PHF21B: variants seen among roughly 807,000 people sequenced by gnomAD.
PHF21B encodes PHD finger protein 21B.
PHF21B carries 22 observed loss-of-function variants against 62.2 expected under a neutral mutation model. The ratio of observed to expected loss-of-function variants is 0.35; its 90% CI spans 0.25 to 0.51. PHF21B has a LOEUF of 0.51. PHF21B is among the 20% of genes least tolerant of loss of function. PHF21B has a pLI of 0.97. For synonymous variants in PHF21B, 341 were observed against 314.7 expected (o/e 1.08, Z -0.88); for missense variants, 701 against 707.9 (o/e 0.99, Z 0.11).
intron 2 of PHF21B, among the ~76,000 whole-genome samples, chr22:44,941,816 G>GT (rs2071963792): frequency 6.6e-6 from 1 of 152,122 alleles, no homozygotes; most frequent in African/African-American, 2.4e-5. Context: ...GGCTGGGGGG[G>GT]CCACCTGCCA....
At chr22:44,913,629 TC>T (rs2071382413) in intron 5 of PHF21B, among the ~76,000 whole-genome samples, 192 bp downstream of exon 5, 1 of 152,222 alleles carries the variant, frequency 6.6e-6, no homozygotes, top group Admixed American at 6.5e-5. Flanking sequence ...AGCCAGTGCC[TC>T]CCTGAGATAG....
In PHF21B at chr22:44,964,032, T is replaced by C. The variant is rs899674535; in HGVS notation, c.121-43542A>G. Among the ~76,000 whole-genome samples, 11 of 152,286 alleles carry C rather than the reference T, an allele frequency of 7.2e-5. No homozygotes were observed. In the East Asian group the frequency reaches 9.7e-4, roughly 13 times the overall value. ...CCCTGACCTTGGCCCCGTCCAGCTG[T>C]GTGTTGGGAGGGTTGCTGGAAGCCT... On this transcript the variant is annotated intron_variant, in intron 2 of 12. Coordinates refer to ENST00000313237, the MANE Select transcript of PHF21B (RefSeq NM_138415.5).
chr22:44,992,337 T>C (rs1446041724), intron 2 of PHF21B, among the ~76,000 whole-genome samples: 2 of 152,214 alleles, frequency 1.3e-5, no homozygotes, highest in Non-Finnish European at 2.9e-5. Context: ...CGGGGTGCTG[T>C]GGCCGCACCG....
intron 3 of PHF21B, among the ~76,000 whole-genome samples, chr22:44,919,629 C>T (rs2071499244): frequency 6.6e-6 from 1 of 152,246 alleles, no homozygotes; most frequent in African/African-American, 2.4e-5. Flanking sequence ...AGGCAGGGGC[C>T]ATCTTGGTCT....
chr22:44,913,908 G>A lies in PHF21B; in HGVS notation c.745C>T (p.Arg249Trp), dbSNP rs199983690. The A allele has an allele frequency of 4.1e-5, 66 of 1,613,918 alleles. No individual in the cohort carries two copies. Among genetic ancestry groups the A allele is most frequent in the Middle Eastern group, 3.3e-4 (2 of 6,060 alleles). The change falls in exon 5 of 13, where the codon CGG becomes TGG. Residue 249 changes from arginine (R) to tryptophan (W), a missense_variant. Coordinates refer to ENST00000313237, the MANE Select transcript of PHF21B (RefSeq NM_138415.5). ...QTQPESTAESRPPTEEPSQGA... is the reference protein window; with the variant it reads ...QTQPESTAESWPPTEEPSQGA... ...TGAGATGGCTCCTCTGTGGGCGGCC[G>A]CGACTCTGCCGTGCTCTCGGGCTGC...
intron 11 of PHF21B, 87 bp from the exon 12 acceptor site, chr22:44,885,616 A>C: frequency 1.5e-6 from 2 of 1,318,500 alleles, no homozygotes; most frequent in African/African-American, 1.5e-5. Flanking sequence ...GAAGGGATGA[A>C]ACCAAGGCCT....
chr22:44,909,063 G>A (rs1217082202), intron 5 of PHF21B, among the ~76,000 whole-genome samples: 1 of 152,172 alleles, frequency 6.6e-6, no homozygotes, highest in African/African-American at 2.4e-5. Context: ...CTCCCAAAGT[G>A]CCAGGATTAC....
At chr22:44,887,532 A>G (rs1275560719) in intron 10 of PHF21B, among the ~76,000 whole-genome samples, 1 of 151,898 alleles carries the variant, frequency 6.6e-6, no homozygotes, top group Admixed American at 6.6e-5. Context: ...TCTAGTCTTG[A>G]TCACCTGAGG....
In PHF21B at chr22:44,916,268, G is replaced by T. The variant is rs1387033752; in HGVS notation, c.564+12C>A. On this transcript the variant is annotated intron_variant, in intron 4 of 12. Coordinates refer to ENST00000313237, the MANE Select transcript of PHF21B (RefSeq NM_138415.5). ...CGCACACCCTTTCCGGAGCCTGCTG[G>T]TGGGCACTCACCTTGTTGTCAGCAC... 1.2e-6 allele frequency: 2 copies of T among 1,606,418 alleles called. No individual in the cohort carries two copies. The highest frequency in any genetic ancestry group is 8.5e-7 in the Non-Finnish European group (1 of 1,178,040).
intron 5 of PHF21B, among the ~76,000 whole-genome samples, chr22:44,910,054 C>T (rs2071318724): frequency 6.6e-6 from 1 of 152,176 alleles, no homozygotes; most frequent in Admixed American, 6.5e-5. Flanking sequence ...CGGAGCCTGG[C>T]AGGGAGCAAA....
intron 2 of PHF21B, among the ~76,000 whole-genome samples, chr22:44,935,659 C>G (rs898036420): frequency 2.0e-5 from 3 of 152,020 alleles, no homozygotes; most frequent in Non-Finnish European, 4.4e-5. Flanking sequence ...ACATGGCTCA[C>G]ACCTGGCACC....
At chr22:44,899,174 T>C (rs1367215751) in intron 5 of PHF21B, among the ~76,000 whole-genome samples, 1 of 152,154 alleles carries the variant, frequency 6.6e-6, no homozygotes, top group Non-Finnish European at 1.5e-5. Flanking sequence ...AGGGAATCAG[T>C]TGGTGGATTT....
chr22:45,009,606 C>A lies in PHF21B; in HGVS notation c.-57G>T. 6.7e-7 allele frequency: 1 copy of A among 1,484,508 alleles called. No homozygotes were observed. Among genetic ancestry groups the A allele is most frequent in the Non-Finnish European group, 8.9e-7 (1 of 1,127,312 alleles). The allele number at this position is 1,484,508 out of a possible 1,614,324, so 92.0% of individuals were successfully genotyped here. On this transcript the variant is annotated 5_prime_UTR_variant, in exon 1 of 13. Coordinates refer to ENST00000313237, the MANE Select transcript of PHF21B (RefSeq NM_138415.5). The surrounding 1 kb of genome is among the most constrained non-coding windows in gnomAD (Gnocchi z 5.9). Reference sequence around the variant, plus strand: ...TTTGGCCCGGGCTCCCGGGAAGTTGCGCGGCTCCGCGGGGGCCAGAGCGGG... The same window carrying A: ...TTTGGCCCGGGCTCCCGGGAAGTTGAGCGGCTCCGCGGGGGCCAGAGCGGG...
intron 9 of PHF21B, among the ~76,000 whole-genome samples, chr22:44,888,329 A>G (rs963152747): frequency 3.3e-5 from 5 of 152,100 alleles, no homozygotes; most frequent in Admixed American, 2.6e-4. Context: ...GAGGGGGGGC[A>G]CCCACAGGGC....
At chr22:44,973,672 GGGGTGAGGGGAAAAGGAA>G (rs768148765) in intron 2 of PHF21B, among the ~76,000 whole-genome samples, 4,822 of 152,242 alleles carry the variant, frequency 0.032, 102 homozygotes, top group Middle Eastern at 0.061. Flanking sequence ...GTGCTTGACT[GGGGTGAGGGGAAAAGGAA>G]CCATTCTGAA....
At chr22:44,979,938 G>A (rs971166976) in intron 2 of PHF21B, among the ~76,000 whole-genome samples, 4 of 151,600 alleles carry the variant, frequency 2.6e-5, no homozygotes, top group African/African-American at 4.8e-5. Context: ...GCATCATGGC[G>A]GGTGCCTGTA....
chr22:44,982,640 A>G (rs973113184), intron 2 of PHF21B, among the ~76,000 whole-genome samples: 2 of 152,018 alleles, frequency 1.3e-5, no homozygotes, highest in African/African-American at 2.4e-5. Context: ...CAGAAGCTCA[A>G]CTCCCGTCAA....
chr22:44,888,818 G>C (rs995453683), intron 9 of PHF21B, among the ~76,000 whole-genome samples: 1 of 151,960 alleles, frequency 6.6e-6, no homozygotes, highest in East Asian at 1.9e-4. Flanking sequence ...AGGGAGAGGC[G>C]GTTGTCACAC....
chr22:44,991,006 G>GC (rs374759372), intron 2 of PHF21B, among the ~76,000 whole-genome samples: 23 of 152,286 alleles, frequency 1.5e-4, no homozygotes, highest in African/African-American at 5.5e-4. Flanking sequence ...CCACACCCAG[G>GC]CCTGCGAGGC....
Sources: gnomAD v4.1 joint callset for allele counts (sites outside exome capture counted in the v4.1 genomes callset) on GRCh38, gnomAD v4.1.1 for gene constraint, Gnocchi (gnomAD v3.1) non-coding constraint, MANE v1.5 for transcripts, NCBI Gene and HGNC (gene_info 2026-07-23, HGNC 2026-07-21) for gene names.